The following TMC6 variants were observed in gnomAD, a reference collection of about 807,000 sequenced individuals.
TMC6 encodes the protein transmembrane channel like 6, also known as transmembrane channel-like protein 6.
In TMC6, 71 loss-of-function variants were observed where a neutral mutation model predicts 95.4. The ratio of observed to expected loss-of-function variants is 0.74; its 90% CI spans 0.61 to 0.91. The LOEUF is 0.91. Ranked by LOEUF, TMC6 falls within the 40% of genes least tolerant of loss-of-function variation. The pLI, the probability that TMC6 is intolerant of heterozygous loss-of-function variation, is 0.00. For missense variants in TMC6, 1,074 were observed against 1,079.1 expected, an observed-to-expected ratio of 1.00 and a Z score of 0.07; for synonymous variants, 514 against 483.1, an observed-to-expected ratio of 1.06 and a Z score of -0.84.
rs762543051 is a variant in TMC6 at position 78,119,284 on chromosome 17, A to C, written c.1811+13T>G. 19 of 1,613,730 alleles carry C rather than the reference A, an allele frequency of 1.2e-5. No homozygotes were observed. Among genetic ancestry groups the C allele is most frequent in the Non-Finnish European group, 1.5e-5 (18 of 1,179,942 alleles). On this transcript the variant is annotated intron_variant, in intron 14 of 19. Coordinates refer to ENST00000590602, the MANE Select transcript of TMC6 (RefSeq NM_001127198.5). Reference sequence around the variant, plus strand: ...AGGGGCCAGACAGTAGGAGGCAAGCAGAGGACCCTCACCAGGTCAGAGTCT... The same window carrying C: ...AGGGGCCAGACAGTAGGAGGCAAGCCGAGGACCCTCACCAGGTCAGAGTCT...
rs2145345410 is a variant in TMC6, at chr17:78,124,559, G to T, written c.856C>A (p.Pro286Thr). Reference protein sequence around the residue: ...AFPPALPGPAPVCTGLELLTG... With the variant: ...AFPPALPGPATVCTGLELLTG... ...AGGAGCTCCAGGCCTGTGCAGACGG[G>T]GGCAGGGCCCGGCAGGGCGGGTGGG... The change falls in exon 8 of 20, where the codon CCC becomes ACC. Residue 286 changes from proline (P) to threonine (T), a missense_variant. Transcript: ENST00000590602. The T allele has an allele frequency of 6.2e-7, 1 of 1,612,000 alleles. No homozygotes were observed.
In TMC6 at chr17:78,111,005, T is replaced by C. The variant is rs1242551309; in HGVS notation, c.*2143A>G. 10 of 152,286 alleles carry C rather than the reference T, an allele frequency of 6.6e-5. No individual in the cohort carries two copies. Among genetic ancestry groups the C allele is most frequent in the Admixed American group, 5.9e-4 (9 of 15,296 alleles). 9.4% of individuals were successfully genotyped at this position (152,286 alleles called of 1,614,324 possible). ...GTGGGGCCGCGGGCTGGACATCCAG[T>C]GGGAGTGGGAAGCCGCCGTCTCAAG... On this transcript the variant is annotated 3_prime_UTR_variant, in exon 20 of 20. Transcript: ENST00000590602.
chr17:78,120,498 A>G, intron 13 of TMC6, 155 bp downstream of exon 13: 1 of 1,197,280 alleles, frequency 8.4e-7, no homozygotes, highest in Non-Finnish European at 1.2e-6. Context: ...TTTCCAATCT[A>G]AAAATGAGTT....
chr17:78,109,536 C>T lies in TMC6; in HGVS notation c.*3612G>A, dbSNP rs1028597047. On this transcript the variant is annotated 3_prime_UTR_variant, in exon 20 of 20. Coordinates refer to ENST00000590602, the MANE Select transcript of TMC6 (RefSeq NM_001127198.5). ...GAAGCAGACACTCAGGAGGCTGAGG[C>T]GGGAGGATCACCTGAGCCCAGGAGG... 2.4e-5 allele frequency: 11 copies of T among 456,414 alleles called. No homozygotes were observed. Among genetic ancestry groups the T allele is most frequent in the African/African-American group, 1.2e-4 (6 of 50,012 alleles). The allele number at this position is 456,414 out of a possible 1,614,324, so 28.3% of individuals were successfully genotyped here. A position where few individuals can be genotyped will look rare whatever the true frequency, so the allele number is the denominator to read the frequency against.
intron 18 of TMC6, among the ~76,000 whole-genome samples, chr17:78,116,086 T>C (rs2074094234): frequency 6.6e-6 from 1 of 151,968 alleles, no homozygotes; most frequent in Non-Finnish European, 1.5e-5. Context: ...CTGGGCTGAT[T>C]CTCCTGCCTC....
At chr17:78,115,634 ACAGGGG>A (rs2074044011) in intron 18 of TMC6, among the ~76,000 whole-genome samples, 1 of 146,394 alleles carries the variant, frequency 6.8e-6, no homozygotes, top group Non-Finnish European at 1.5e-5. Context: ...GGGAGTGGGC[ACAGGGG>A]CGAAGGGAGT....
At position 78,109,123 on chromosome 17, in the gene TMC6, G is replaced by GT; in HGVS notation, c.*4024dup. The GT allele has an allele frequency of 3.7e-6, 1 of 270,416 alleles. No homozygotes were observed. The highest frequency in any genetic ancestry group is 7.3e-6 in the Non-Finnish European group (1 of 136,414). 16.8% of individuals were successfully genotyped at this position (270,416 alleles called of 1,614,324 possible). A position where few individuals can be genotyped will look rare whatever the true frequency, so the allele number is the denominator to read the frequency against. ...CAGGTGCCCAGCCTTTGTTGTTGTT[G>GT]TTGTTGCTGCTATTTTGGCAACATC... On this transcript the variant is annotated 3_prime_UTR_variant, in exon 20 of 20. Transcript: ENST00000590602.
intron 13 of TMC6, chr17:78,119,855 C>T (rs1025695730): frequency 5.5e-5 from 19 of 342,748 alleles, no homozygotes; most frequent in Non-Finnish European, 1.1e-4. Context: ...ACTCTGTTGC[C>T]GAGGCTGGTC....
At chr17:78,124,489 G>A (rs1350900711) in intron 8 of TMC6, 35 bp downstream of exon 8, 1 of 1,602,174 alleles carries the variant, frequency 6.2e-7, no homozygotes, top group Non-Finnish European at 8.5e-7. Flanking sequence ...CAGAAGACAG[G>A]CACCCCCCGT....
intron 7 of TMC6, 21 bp from the exon 8 acceptor site, chr17:78,124,802 G>T: frequency 1.9e-6 from 3 of 1,579,000 alleles, no homozygotes; most frequent in Non-Finnish European, 1.7e-6. Context: ...AGGCAGAGAG[G>T]CCCTGAGGGT....
rs112326036 is a variant in TMC6, at chr17:78,119,503, T to C, written c.1716-111A>G. 2.6e-3 allele frequency: 2,870 copies of C among 1,095,126 alleles called. 51 individuals are homozygous for C. The African/African-American group carries it at 0.038, about 14-fold the overall frequency. 67.8% of individuals were successfully genotyped at this position (1,095,126 alleles called of 1,614,324 possible). ...CCCCAGCCAGGGGACATCCTGGCCGTTCCACAGATAATGCCAAGAAGAGAC... is the reference window on the plus strand; with the variant it reads ...CCCCAGCCAGGGGACATCCTGGCCGCTCCACAGATAATGCCAAGAAGAGAC... On this transcript the variant is annotated intron_variant, in intron 13 of 19. Transcript: ENST00000590602.
chr17:78,119,051 G>T lies in TMC6; in HGVS notation c.1812-5C>A. 6.3e-7 allele frequency: 1 copy of T among 1,578,040 alleles called. No homozygotes were observed. Among genetic ancestry groups the T allele is most frequent in the Non-Finnish European group, 8.6e-7 (1 of 1,161,698 alleles). ...GGCGAGAAGAGCACCCCCAGCCTGG[G>T]GAGGGGGTGGCAGTTCAGGGGCTGC... On this transcript the variant is annotated splice_region_variant and splice_polypyrimidine_tract_variant and intron_variant, in intron 14 of 19. Coordinates refer to ENST00000590602, the MANE Select transcript of TMC6 (RefSeq NM_001127198.5).
Position 78,121,286 on chromosome 17 carries a change from TC to T in TMC6, c.1384-123del. The T allele has an allele frequency of 6.8e-7, 1 of 1,466,282 alleles. No homozygotes were observed. Among genetic ancestry groups the T allele is most frequent in the Non-Finnish European group, 9.2e-7 (1 of 1,087,116 alleles). 90.8% of individuals were successfully genotyped at this position (1,466,282 alleles called of 1,614,324 possible). On this transcript the variant is annotated intron_variant, in intron 11 of 19. Transcript: ENST00000590602. This position sits in a 1 kb window ranked among gnomAD's most constrained non-coding sequence, Gnocchi z 5.6. The stretch of plus-strand genomic sequence containing the variant: ...ACCTCCCTCCTCCAAGATCTGGCCC[TC>T]CCCAGGCCTCAAGTTCAAACCACAC...
chr17:78,124,630 A>G lies in TMC6; in HGVS notation c.785T>C (p.Leu262Pro). The change falls in exon 8 of 20, where the codon CTG becomes CCG. Residue 262 changes from leucine (L) to proline (P), a missense_variant. By Grantham distance (98) the Leu-to-Pro change is moderately conservative. Transcript: ENST00000590602. The part of the protein sequence containing the change: ...LKTLLAFNAL[L>P]LLLLVAFIMG... ...GATGAAGGCCACCAGCAGCAGCAGC[A>G]GGAGGGCATTGAAAGCCAGCAGGGT... The G allele has an allele frequency of 6.2e-7, 1 of 1,612,388 alleles. No individual in the cohort carries two copies. Among genetic ancestry groups the G allele is most frequent in the Non-Finnish European group, 8.5e-7 (1 of 1,179,768 alleles).
upstream of TMC6, among the ~76,000 whole-genome samples, chr17:78,129,827 T>C (rs1349018182): frequency 6.6e-6 from 1 of 152,150 alleles, no homozygotes; most frequent in East Asian, 1.9e-4. This position sits in a 1 kb window ranked among gnomAD's most constrained non-coding sequence, Gnocchi z 4.3. Context: ...CCACCTCCTC[T>C]GGGGAGCCTC....
intron 18 of TMC6, chr17:78,113,958 G>T (rs2073925587): frequency 2.5e-6 from 1 of 396,950 alleles, no homozygotes; most frequent in African/African-American, 2.1e-5. Context: ...CTCAGTGGCA[G>T]CATCTGTAAA....
chr17:78,118,557 A>AAAAATAAAAT (rs112527893), intron 15 of TMC6, among the ~76,000 whole-genome samples: 40 of 150,020 alleles, frequency 2.7e-4, no homozygotes, highest in Non-Finnish European at 3.0e-4. Flanking sequence ...CTCTGTCTCA[A>AAAAATAAAAT]AAAATAAAAT....
Position 78,124,749 on chromosome 17 carries a change from G to T in TMC6, c.666C>A (p.Ser222=). ...ALHSLGLALL[S]ALQALMPWRY... is the part of the protein sequence containing the mutation. ...GCCACGGCATCAGGGCCTGCAGGGC[G>T]GAGAGCAGCGCCAGGCCCAGGCTGT... The change falls in exon 8 of 20, where the codon TCC becomes TCA. Residue 222 remains serine (S), a synonymous_variant. Coordinates refer to ENST00000590602, the MANE Select transcript of TMC6 (RefSeq NM_001127198.5). 6.3e-7 allele frequency: 1 copy of T among 1,584,606 alleles called. No homozygotes were observed. The highest frequency in any genetic ancestry group is 8.6e-7 in the Non-Finnish European group (1 of 1,166,032).
At position 78,110,923 on chromosome 17, in the gene TMC6, T is replaced by A. The variant is rs1211216948; in HGVS notation, c.*2225A>T. On this transcript the variant is annotated 3_prime_UTR_variant, in exon 20 of 20. Transcript: ENST00000590602. Reference sequence around the variant, plus strand: ...TACGGGAGGTCCTCACTGGAGGGTCTGGGGCCACACGGTGGGTCCGGAGAC... The same window carrying A: ...TACGGGAGGTCCTCACTGGAGGGTCAGGGGCCACACGGTGGGTCCGGAGAC... 1 of 134,632 alleles carries A rather than the reference T, an allele frequency of 7.4e-6. No individual in the cohort carries two copies. Among genetic ancestry groups the A allele is most frequent in the African/African-American group, 3.0e-5 (1 of 33,142 alleles). The allele number at this position is 134,632 out of a possible 1,614,324, so 8.3% of individuals were successfully genotyped here. A position where few individuals can be genotyped will look rare whatever the true frequency, so the allele number is the denominator to read the frequency against.
Sources: allele counts gnomAD v4.1 joint callset (sites outside exome capture counted in the v4.1 genomes callset), GRCh38; gene constraint gnomAD v4.1.1; non-coding constraint Gnocchi (gnomAD v3.1); transcripts MANE v1.5; gene names NCBI Gene and HGNC (gene_info 2026-07-23, HGNC 2026-07-21).